The following SUMF1 variants were observed in gnomAD, a reference collection of about 807,000 sequenced individuals.
The protein encoded by SUMF1 is formylglycine-generating enzyme.
SUMF1 carries 48 observed loss-of-function variants against 47.6 expected under a neutral mutation model. That is an observed-to-expected ratio of 1.01 (90% CI 0.80 to 1.28). The LOEUF is 1.28. Among genes scored for constraint, SUMF1 ranks in the 50% most tolerant of loss-of-function variants. The probability of loss-of-function intolerance (pLI) is 0.00; values close to 1 mark genes in which losing one functional copy is unlikely to be tolerated. For missense variants in SUMF1, 571 were observed against 485.4 expected (o/e 1.18, Z -1.66); for synonymous variants, 230 against 192.1 (o/e 1.20, Z -1.63).
intron 8 of SUMF1, among the ~76,000 whole-genome samples, chr3:4,163,389 AG>A (rs1694626340): frequency 1.3e-4 from 1 of 7,506 alleles, no homozygotes; most frequent in Non-Finnish European, 3.0e-4. Flanking sequence ...GAAGGGAGGG[AG>A]GGAGGGAGGG....
At chr3:4,353,621 T>C (rs1289456794) in intron 8 of SUMF1, among the ~76,000 whole-genome samples, 10 of 152,168 alleles carry the variant, frequency 6.6e-5, no homozygotes, top group African/African-American at 1.4e-4. Flanking sequence ...ATACAGTCTC[T>C]AGAAAACTCT....
chr3:4,169,342 A>T (rs747013546), intron 8 of SUMF1, among the ~76,000 whole-genome samples: 1 of 152,186 alleles, frequency 6.6e-6, no homozygotes, highest in African/African-American at 2.4e-5. Context: ...AGGTCATTAG[A>T]GTGGCTCCTC....
intron 7 of SUMF1, among the ~76,000 whole-genome samples, chr3:4,389,828 C>A (rs1700797885): frequency 6.6e-6 from 1 of 152,110 alleles, no homozygotes; most frequent in Non-Finnish European, 1.5e-5. Context: ...CTTATATTTT[C>A]TATTTCTTTG....
rs1160229156 is a variant in SUMF1, at chr3:4,211,182, A to T, written c.1015-142437T>A. Among the ~76,000 whole-genome samples the T allele has an allele frequency of 6.3e-5, 6 of 94,606 alleles. No individual in the cohort carries two copies. The East Asian group carries it at 1.5e-3, about 24-fold the overall frequency. The allele number at this position is 94,606 out of a possible 152,430, so 62.1% of individuals were successfully genotyped here. A position where few individuals can be genotyped will look rare whatever the true frequency, so the allele number is the denominator to read the frequency against. ...TACATATATATACACACATATATAT[A>T]CATATACATATACATACATACATAT... On this transcript the variant is annotated intron_variant and NMD_transcript_variant, in intron 8 of 12. Transcript: ENST00000448413.
intron 8 of SUMF1, among the ~76,000 whole-genome samples, chr3:4,238,697 G>A (rs1696466234): frequency 6.6e-6 from 1 of 151,954 alleles, no homozygotes; most frequent in Non-Finnish European, 1.5e-5. Flanking sequence ...TGGATAGATT[G>A]CAAAAATTTT....
chr3:4,215,231 G>C (rs1024889933), intron 8 of SUMF1, among the ~76,000 whole-genome samples: 6 of 152,138 alleles, frequency 3.9e-5, no homozygotes, highest in African/African-American at 1.2e-4. Context: ...GGGATGCAAG[G>C]CTGGTTCAAC....
intron 8 of SUMF1, among the ~76,000 whole-genome samples, chr3:4,072,125 C>G (rs1438113978): frequency 1.3e-5 from 2 of 152,158 alleles, no homozygotes; most frequent in East Asian, 3.9e-4. Context: ...TGTTCTGCAG[C>G]CTCCTTTAGT....
At chr3:4,042,691 C>T (rs2125018489) in intron 9 of SUMF1, among the ~76,000 whole-genome samples, 1 of 152,264 alleles carries the variant, frequency 6.6e-6, no homozygotes, top group Non-Finnish European at 1.5e-5. Flanking sequence ...GCAGTGTATT[C>T]TCATGCACTA....
chr3:4,330,518 G>C (rs184127085), intron 8 of SUMF1, among the ~76,000 whole-genome samples: 74 of 152,276 alleles, frequency 4.9e-4, no homozygotes, highest in African/African-American at 1.7e-3. Context: ...GATCTCACGA[G>C]ACTTATTCAT....
chr3:4,157,113 C>T (rs1479498872), intron 8 of SUMF1, among the ~76,000 whole-genome samples: 1 of 151,544 alleles, frequency 6.6e-6, no homozygotes, highest in Non-Finnish European at 1.5e-5. Flanking sequence ...TCCCCTTACC[C>T]TCAGATGTGT....
chr3:4,354,903 C>G (rs900396044), intron 8 of SUMF1, among the ~76,000 whole-genome samples: 1 of 152,206 alleles, frequency 6.6e-6, no homozygotes, highest in Non-Finnish European at 1.5e-5. Flanking sequence ...CATATCTCCC[C>G]ACAACCCCAC....
intron 8 of SUMF1, among the ~76,000 whole-genome samples, chr3:4,226,245 T>G (rs1286436024): frequency 6.7e-6 from 1 of 150,192 alleles, no homozygotes; most frequent in Non-Finnish European, 1.5e-5. Context: ...CCATCATGAT[T>G]ATTGTTTTTT....
At chr3:4,371,856 G>C (rs1345180778) in intron 8 of SUMF1, among the ~76,000 whole-genome samples, 1 of 152,156 alleles carries the variant, frequency 6.6e-6, no homozygotes, top group Non-Finnish European at 1.5e-5. Flanking sequence ...ATAAATGGTG[G>C]ATCCAAGGTT....
chr3:4,177,290 T>A (rs528593561), intron 8 of SUMF1, among the ~76,000 whole-genome samples: 1 of 152,234 alleles, frequency 6.6e-6, no homozygotes, highest in South Asian at 2.1e-4. Context: ...TAATTGGAAG[T>A]AAAGCACTCC....
intron 8 of SUMF1, among the ~76,000 whole-genome samples, chr3:4,106,489 C>T (rs949715943): frequency 5.3e-5 from 8 of 152,124 alleles, no homozygotes; most frequent in African/African-American, 1.9e-4. Flanking sequence ...TCCACTATAA[C>T]TCCCTTTTCT....
At chr3:4,046,152 C>G (rs775120229) in intron 9 of SUMF1, among the ~76,000 whole-genome samples, 6 of 152,150 alleles carry the variant, frequency 3.9e-5, no homozygotes, top group Non-Finnish European at 7.3e-5. Context: ...ACTCCAAATT[C>G]TAGCTCAGGT....
At chr3:4,322,388 T>C (rs955106207) in intron 8 of SUMF1, among the ~76,000 whole-genome samples, 5 of 151,892 alleles carry the variant, frequency 3.3e-5, no homozygotes, top group Non-Finnish European at 7.4e-5. Flanking sequence ...ATAACTAATG[T>C]TAGTAATAGG....
chr3:4,180,440 A>G (rs1695068547), intron 8 of SUMF1, among the ~76,000 whole-genome samples: 1 of 152,036 alleles, frequency 6.6e-6, no homozygotes, highest in African/African-American at 2.4e-5. Context: ...AAACCATCAC[A>G]AGGACAGAAA....
At chr3:4,220,769 G>C (rs781777305) in intron 8 of SUMF1, among the ~76,000 whole-genome samples, 15 of 152,184 alleles carry the variant, frequency 9.9e-5, no homozygotes, top group South Asian at 8.3e-4. Context: ...TCTGTAAAAC[G>C]AGAAGACTGA....
Sources: allele counts gnomAD v4.1 joint callset (sites outside exome capture counted in the v4.1 genomes callset), GRCh38; gene constraint gnomAD v4.1.1; transcripts MANE v1.5; gene names NCBI Gene and HGNC (gene_info 2026-07-23, HGNC 2026-07-21).